The following TMEM132C variants were observed in gnomAD, a reference collection of about 807,000 sequenced individuals.
TMEM132C encodes protein phosphatase 1, regulatory subunit 152.
In TMEM132C, 29 loss-of-function variants were observed where a neutral mutation model predicts 61.4. The observed-to-expected ratio is 0.47, with a 90% CI of 0.35 to 0.64. The LOEUF (loss-of-function observed/expected upper bound fraction) is 0.64, where lower values mean the gene tolerates loss of function less well. Among genes scored for constraint, TMEM132C ranks in the 30% least tolerant of loss-of-function variants. The pLI is 0.00. For missense variants in TMEM132C, 1,408 were observed against 1,476.9 expected (o/e 0.95, Z 0.76); for synonymous variants, 656 against 633.1 (o/e 1.04, Z -0.54).
chr12:128,385,974 G>C (rs758441062), intron 1 of TMEM132C, among the ~76,000 whole-genome samples: 1 of 152,158 alleles, frequency 6.6e-6, no homozygotes, highest in Non-Finnish European at 1.5e-5. Context: ...TGCTCCCACA[G>C]AGAGCTGGGC....
intron 1 of TMEM132C, among the ~76,000 whole-genome samples, chr12:128,300,985 G>GAGCT (rs1165228865): frequency 1.3e-5 from 2 of 152,178 alleles, no homozygotes; most frequent in Non-Finnish European, 2.9e-5. Flanking sequence ...AGGCTACAGT[G>GAGCT]AGCTAGGAAT....
chr12:128,331,859 A>G (rs765643631), intron 1 of TMEM132C, among the ~76,000 whole-genome samples: 2 of 152,216 alleles, frequency 1.3e-5, no homozygotes, highest in Non-Finnish European at 2.9e-5. Context: ...TGTTTTTCGT[A>G]GAAGTTGTAC....
chr12:128,530,411 C>T lies in TMEM132C; in HGVS notation c.975-13546C>T, dbSNP rs188350194. On this transcript the variant is annotated intron_variant, in intron 2 of 8. Coordinates refer to ENST00000435159, the MANE Select transcript of TMEM132C (RefSeq NM_001136103.3). ...TCAGGCTACCTGACATCACTGAATA[C>T]GGAGTTGAGAGCACACATCCAATAG... Among the ~76,000 whole-genome samples the T allele has an allele frequency of 1.1e-3, 160 of 151,980 alleles. 2 individuals are homozygous for T. The highest frequency in any genetic ancestry group is 3.4e-3 in the African/African-American group (142 of 41,486).
intron 3 of TMEM132C, among the ~76,000 whole-genome samples, chr12:128,544,997 G>T (rs573357089): frequency 1.3e-5 from 2 of 152,226 alleles, no homozygotes; most frequent in Non-Finnish European, 2.9e-5. Flanking sequence ...AGATTCAGGG[G>T]GTACATGTGC....
chr12:128,603,620 A>G (rs1002874472), intron 3 of TMEM132C, among the ~76,000 whole-genome samples: 1 of 151,948 alleles, frequency 6.6e-6, no homozygotes, highest in Non-Finnish European at 1.5e-5. Flanking sequence ...AGATTACTTT[A>G]TATATTTACT....
At position 128,676,621 on chromosome 12, in the gene TMEM132C, C is replaced by T. The variant is rs181778234; in HGVS notation, c.1449+7061C>T. 1.8e-3 allele frequency among the ~76,000 whole-genome samples: 272 copies of T among 152,354 alleles called. 3 individuals are homozygous for T. The highest frequency in any genetic ancestry group is 5.6e-3 in the African/African-American group (232 of 41,578). Reference sequence around the variant, plus strand: ...TTTAAAGAATAAGATATCATACATACTGTTTTTGTTAACCACAAACTGTCT... The same window carrying T: ...TTTAAAGAATAAGATATCATACATATTGTTTTTGTTAACCACAAACTGTCT... On this transcript the variant is annotated intron_variant, in intron 5 of 8. Transcript: ENST00000435159.
chr12:128,325,350 T>C (rs1872472399), intron 1 of TMEM132C, among the ~76,000 whole-genome samples: 1 of 152,116 alleles, frequency 6.6e-6, no homozygotes, highest in Admixed American at 6.5e-5. Context: ...AAGGTAAACA[T>C]GAACATTGAA....
intron 4 of TMEM132C, among the ~76,000 whole-genome samples, chr12:128,637,718 A>C (rs1017996342): frequency 6.6e-6 from 1 of 152,098 alleles, no homozygotes; most frequent in African/African-American, 2.4e-5. Context: ...TCCTCTCGCC[A>C]CGATACAAAC....
At position 128,702,365 on chromosome 12, in the gene TMEM132C, GTAT is replaced by G. The variant is rs539762685; in HGVS notation, c.2122-2718_2122-2716del. Reference sequence around the variant, plus strand: ...TTATGAAATTTATTTATTATGAAATGTATTATTATGAAATGTTATTATTTCATA... The same window carrying G: ...TTATGAAATTTATTTATTATGAAATGTATTATGAAATGTTATTATTTCATA... On this transcript the variant is annotated intron_variant, in intron 8 of 8. Coordinates refer to ENST00000435159, the MANE Select transcript of TMEM132C (RefSeq NM_001136103.3). 1.1e-3 allele frequency among the ~76,000 whole-genome samples: 170 copies of G among 151,726 alleles called. 1 individual carries two copies. The highest frequency in any genetic ancestry group is 3.6e-3 in the African/African-American group (149 of 41,366).
intron 3 of TMEM132C, among the ~76,000 whole-genome samples, chr12:128,594,986 C>T (rs773434729): frequency 4.6e-5 from 7 of 152,208 alleles, no homozygotes; most frequent in Admixed American, 1.3e-4. Context: ...GAACGAGCTT[C>T]GGTGGTGACT....
At chr12:128,319,355 G>A (rs898007283) in intron 1 of TMEM132C, among the ~76,000 whole-genome samples, 14 of 85,832 alleles carry the variant, frequency 1.6e-4, no homozygotes, top group East Asian at 4.6e-4. Flanking sequence ...TTGCAGTCCC[G>A]AGAGAGAGAG....
chr12:128,514,593 G>T (rs1872664072), intron 2 of TMEM132C, among the ~76,000 whole-genome samples: 1 of 152,138 alleles, frequency 6.6e-6, no homozygotes, highest in African/African-American at 2.4e-5. Context: ...GACCCCAGAT[G>T]CAAAGTCTTC....
chr12:128,651,760 G>A (rs1954272991), intron 4 of TMEM132C, among the ~76,000 whole-genome samples: 1 of 152,148 alleles, frequency 6.6e-6, no homozygotes, highest in African/African-American at 2.4e-5. Context: ...GATATCTGGG[G>A]CAACAGCACT....
intron 3 of TMEM132C, among the ~76,000 whole-genome samples, chr12:128,586,295 C>T (rs1159411353): frequency 1.3e-5 from 2 of 151,664 alleles, no homozygotes; most frequent in African/African-American, 2.4e-5. Flanking sequence ...CATAGCCAAA[C>T]ATACTTTATC....
chr12:128,489,482 C>T (rs1019928598), intron 2 of TMEM132C, among the ~76,000 whole-genome samples: 26 of 150,596 alleles, frequency 1.7e-4, no homozygotes, highest in African/African-American at 5.6e-4. Flanking sequence ...ACTGAGAGAG[C>T]GTGAGAAGGA....
intron 1 of TMEM132C, among the ~76,000 whole-genome samples, chr12:128,386,069 C>G (rs1376416183): frequency 1.3e-5 from 2 of 152,114 alleles, no homozygotes; most frequent in African/African-American, 4.8e-5. Flanking sequence ...CACACTTAGA[C>G]CTAGAAGACA....
intron 8 of TMEM132C, among the ~76,000 whole-genome samples, chr12:128,700,503 T>C (rs1040242110): frequency 6.6e-6 from 1 of 152,192 alleles, no homozygotes; most frequent in African/African-American, 2.4e-5. Context: ...TTTCCCCATC[T>C]AGTTTGTGAA....
At chr12:128,318,147 A>T (rs1441132896) in intron 1 of TMEM132C, among the ~76,000 whole-genome samples, 4 of 152,238 alleles carry the variant, frequency 2.6e-5, no homozygotes, top group Non-Finnish European at 5.9e-5. Context: ...TTACTGAGGA[A>T]TGAATCAAAA....
intron 2 of TMEM132C, among the ~76,000 whole-genome samples, chr12:128,438,393 C>T (rs1385170451): frequency 2.0e-5 from 3 of 152,154 alleles, no homozygotes; most frequent in Admixed American, 6.5e-5. Context: ...TGCTTCCTCT[C>T]TTGCCATGTG....
Sources: allele counts gnomAD v4.1 joint callset (sites outside exome capture counted in the v4.1 genomes callset), GRCh38; gene constraint gnomAD v4.1.1; transcripts MANE v1.5; gene names NCBI Gene and HGNC (gene_info 2026-07-23, HGNC 2026-07-21).